Variants in SH3RF2 observed in about 807,000 individuals in gnomAD.
The protein encoded by SH3RF2 is SH3 domain containing ring finger 2, also known as E3 ubiquitin-protein ligase SH3RF2.
A neutral mutation model predicts 59.0 loss-of-function variants in SH3RF2; 43 were observed. That is an observed-to-expected ratio of 0.73 (90% confidence interval 0.57 to 0.94). The LOEUF (loss-of-function observed/expected upper bound fraction) is 0.94, where lower values mean the gene tolerates loss of function less well. SH3RF2 is among the 40% of genes least tolerant of loss of function. The pLI is 0.00. For missense variants in SH3RF2, 930 were observed against 940.1 expected (o/e 0.99, Z 0.14); for synonymous variants, 391 against 391.5 (o/e 1.00, Z 0.01).
intron 1 of SH3RF2, chr5:145,937,177 A>G (rs1362031561): frequency 6.6e-6 from 1 of 152,016 alleles, no homozygotes; most frequent in Admixed American, 6.6e-5. Flanking sequence ...GAGAAAAAAA[A>G]AAAAAGATGA....
chr5:146,025,181 T>C (rs1293061099), intron 5 of SH3RF2, among the ~76,000 whole-genome samples: 1 of 152,270 alleles, frequency 6.6e-6, no homozygotes, highest in Non-Finnish European at 1.5e-5. Context: ...AAAGTTCATA[T>C]TCTTAACCTC....
chr5:146,039,055 A>G (rs1376069995), intron 5 of SH3RF2, among the ~76,000 whole-genome samples: 2 of 152,266 alleles, frequency 1.3e-5, no homozygotes, highest in East Asian at 3.8e-4. Context: ...TTTGCAGATC[A>G]GAAGGGAAGG....
At chr5:145,950,593 C>T (rs551748630) in intron 2 of SH3RF2, among the ~76,000 whole-genome samples, 1 of 151,874 alleles carries the variant, frequency 6.6e-6, no homozygotes, top group East Asian at 1.9e-4. Context: ...AGAAAAAAGG[C>T]AGAAAAGGTA....
downstream of SH3RF2, among the ~76,000 whole-genome samples, chr5:146,064,853 A>AAAG (rs1491374885): frequency 1.0e-4 from 2 of 19,886 alleles, no homozygotes; most frequent in East Asian, 8.9e-3. Context: ...AGAAAGAAAG[A>AAAG]AAGAAAGAAA....
intron 2 of SH3RF2, among the ~76,000 whole-genome samples, chr5:145,941,085 G>A (rs1757797753): frequency 6.6e-6 from 1 of 152,142 alleles, no homozygotes; most frequent in South Asian, 2.1e-4. Flanking sequence ...TGTTGTCACA[G>A]GGCACCATTT....
At chr5:146,054,710 C>T (rs1019070130) in intron 7 of SH3RF2, among the ~76,000 whole-genome samples, 14 of 152,176 alleles carry the variant, frequency 9.2e-5, no homozygotes, top group African/African-American at 2.7e-4. Flanking sequence ...TACTTATCTT[C>T]GTACAATACT....
chr5:146,045,443 C>T (rs1440121953), intron 5 of SH3RF2, among the ~76,000 whole-genome samples: 1 of 152,228 alleles, frequency 6.6e-6, no homozygotes, highest in African/African-American at 2.4e-5. Flanking sequence ...TATTCTATCA[C>T]TTCAAAAAGA....
chr5:145,967,409 G>T (rs958665542), intron 2 of SH3RF2, among the ~76,000 whole-genome samples: 2 of 152,140 alleles, frequency 1.3e-5, no homozygotes, highest in Admixed American at 1.3e-4. Flanking sequence ...AAAGAAAGCA[G>T]TATTTATTCA....
chr5:146,004,245 G>C, intron 4 of SH3RF2, 92 bp downstream of exon 4: 3 of 1,002,986 alleles, frequency 3.0e-6, no homozygotes, highest in Non-Finnish European at 4.4e-6. Context: ...TATTTGCTAT[G>C]AGGCTTATTT....
chr5:145,948,062 A>G (rs888355941), intron 2 of SH3RF2, among the ~76,000 whole-genome samples: 2 of 152,198 alleles, frequency 1.3e-5, no homozygotes, highest in Admixed American at 6.5e-5. Flanking sequence ...GGTCAACTCT[A>G]CAAACAGAGT....
intron 2 of SH3RF2, among the ~76,000 whole-genome samples, 187 bp downstream of exon 2, chr5:145,938,493 C>T (rs192664673): frequency 7.2e-5 from 11 of 152,334 alleles, no homozygotes; most frequent in Non-Finnish European, 1.3e-4. Flanking sequence ...TCTAATCCAT[C>T]TAAGAATTCT....
At chr5:146,010,646 T>C (rs1760845748) in intron 4 of SH3RF2, among the ~76,000 whole-genome samples, 1 of 152,246 alleles carries the variant, frequency 6.6e-6, no homozygotes, top group Admixed American at 6.5e-5. Context: ...TGAGCATTTT[T>C]TCATGTGTCT....
At chr5:145,957,361 C>G (rs2149951057) in intron 2 of SH3RF2, among the ~76,000 whole-genome samples, 1 of 152,096 alleles carries the variant, frequency 6.6e-6, no homozygotes, top group South Asian at 2.1e-4. Flanking sequence ...GGTGGGTGGC[C>G]TGGACTAAAA....
downstream of SH3RF2, among the ~76,000 whole-genome samples, chr5:146,064,792 G>GAAAGGAAGGAAGGA (rs1204654795): frequency 5.9e-5 from 2 of 33,938 alleles, no homozygotes; most frequent in African/African-American, 2.2e-4. Context: ...AGGAAGGAAG[G>GAAAGGAAGGAAGGA]AAGGAAGGAA....
At chr5:146,020,633 G>C (rs1761284650) in intron 5 of SH3RF2, among the ~76,000 whole-genome samples, 1 of 152,046 alleles carries the variant, frequency 6.6e-6, no homozygotes, top group Non-Finnish European at 1.5e-5. Flanking sequence ...ATATATATTA[G>C]AACATATAAC....
Position 145,937,966 on chromosome 5 carries a change from C to T in SH3RF2, c.38C>T (p.Pro13Leu). Reference protein sequence around the residue: ...DLTLLDLLECPVCFEKLDVTA... With the variant: ...DLTLLDLLECLVCFEKLDVTA... ...ACGTTACTTGATCTTCTGGAGTGCC[C>T]TGTGTGCTTTGAGAAGCTCGATGTC... The change falls in exon 2 of 10, where the codon CCT (proline) becomes CTT (leucine). Residue 13 changes from proline to leucine, a missense_variant. Pro to Leu is a moderately conservative substitution (Grantham distance 98, BLOSUM62 -3). Coordinates refer to ENST00000359120, the MANE Select transcript of SH3RF2 (RefSeq NM_152550.4). 6.2e-7 allele frequency: 1 copy of T among 1,614,176 alleles called. No individual in the cohort carries two copies. The highest frequency in any genetic ancestry group is 1.1e-5 in the South Asian group (1 of 91,082).
At chr5:146,069,015 C>G (rs1181605019) in intron 9 of SH3RF2, among the ~76,000 whole-genome samples, 2 of 152,200 alleles carry the variant, frequency 1.3e-5, no homozygotes, top group Admixed American at 6.5e-5. Flanking sequence ...CTCACAACCA[C>G]TATCCTGCAT....
At chr5:145,981,830 T>C (rs528054230) in intron 2 of SH3RF2, among the ~76,000 whole-genome samples, 96 of 152,348 alleles carry the variant, frequency 6.3e-4, no homozygotes, top group Non-Finnish European at 9.7e-4. Flanking sequence ...TTGGACAGCA[T>C]AGAATAGCAC....
chr5:146,065,034 TAAAAC>T, downstream of SH3RF2, among the ~76,000 whole-genome samples: 1 of 152,194 alleles, frequency 6.6e-6, no homozygotes, highest in Admixed American at 6.5e-5. Flanking sequence ...CAGACCTTAA[TAAAAC>T]AAAACAAAAC....
Sources: allele counts gnomAD v4.1 joint callset (sites outside exome capture counted in the v4.1 genomes callset), GRCh38; gene constraint gnomAD v4.1.1; transcripts MANE v1.5; gene names NCBI Gene and HGNC (gene_info 2026-07-23, HGNC 2026-07-21).